FOXP2: variants seen among roughly 807,000 people sequenced by gnomAD.
FOXP2 encodes the protein forkhead box P2.
In FOXP2, 12 loss-of-function variants were observed where a neutral mutation model predicts 115.8. The ratio of observed to expected loss-of-function variants is 0.10; its 90% CI spans 0.07 to 0.17. The LOEUF is 0.17. FOXP2 is among the 10% of genes least tolerant of loss of function. The pLI, the probability that FOXP2 is intolerant of heterozygous loss-of-function variation, is 1.00. For missense variants in FOXP2, 629 were observed against 843.5 expected, an observed-to-expected ratio of 0.75 and a Z score of 3.15; for synonymous variants, 328 against 297.7, an observed-to-expected ratio of 1.10 and a Z score of -1.05.
intron 2 of FOXP2, among the ~76,000 whole-genome samples, chr7:114,394,422 A>ACACAG (rs1260676355): frequency 1.3e-5 from 2 of 149,380 alleles, no homozygotes; most frequent in African/African-American, 5.0e-5. Context: ...CACACACACA[A>ACACAG]GCAAACACCC....
chr7:114,581,662 T>G (rs1184326480), intron 3 of FOXP2, among the ~76,000 whole-genome samples: 1 of 152,182 alleles, frequency 6.6e-6, no homozygotes, highest in Non-Finnish European at 1.5e-5. Flanking sequence ...ACTCTTGGTG[T>G]TGTACATTCT....
intron 16 of FOXP2, among the ~76,000 whole-genome samples, chr7:114,675,019 G>A (rs1327891151): frequency 6.6e-6 from 1 of 151,828 alleles, no homozygotes; most frequent in Non-Finnish European, 1.5e-5. Flanking sequence ...TTTTTTCTGT[G>A]ATATGTTAAA....
At chr7:114,452,084 A>G (rs922334116) in intron 2 of FOXP2, among the ~76,000 whole-genome samples, 2 of 151,974 alleles carry the variant, frequency 1.3e-5, no homozygotes, top group Admixed American at 6.6e-5. Context: ...TATATATTCA[A>G]AAATCATAGG....
chr7:114,506,443 C>A (rs548752741), intron 2 of FOXP2, among the ~76,000 whole-genome samples: 1 of 151,510 alleles, frequency 6.6e-6, no homozygotes, highest in Non-Finnish European at 1.5e-5. Context: ...GAAACTAAGA[C>A]AGAAATCATA....
chr7:114,451,514 T>C (rs1178309448), intron 2 of FOXP2, among the ~76,000 whole-genome samples: 1 of 152,044 alleles, frequency 6.6e-6, no homozygotes. Flanking sequence ...ATGATTATAG[T>C]TTGTTCTTGT....
At chr7:114,299,540 A>G (rs2129178064) in intron 2 of FOXP2, among the ~76,000 whole-genome samples, 1 of 151,814 alleles carries the variant, frequency 6.6e-6, no homozygotes, top group East Asian at 1.9e-4. Context: ...TAACTTCTCT[A>G]AGGTTATATA....
At position 114,625,138 on chromosome 7, in the gene FOXP2, A is replaced by C. The variant is rs150784961; in HGVS notation, c.259-3402A>C. Among the ~76,000 whole-genome samples, 617 of 151,846 alleles carry C rather than the reference A, an allele frequency of 4.1e-3. 9 individuals carry two copies. Among genetic ancestry groups the C allele is most frequent in the African/African-American group, 0.014 (590 of 41,508 alleles). On this transcript the variant is annotated intron_variant, in intron 3 of 16. Coordinates refer to ENST00000350908, the MANE Select transcript of FOXP2 (RefSeq NM_014491.4). ...GGTGCATCACTAAGGAGAATTTTAA[A>C]TCTGTCAGCAAAGTAAATACCAAGA...
At chr7:114,526,140 T>A in intron 2 of FOXP2, among the ~76,000 whole-genome samples, 1 of 107,222 alleles carries the variant, frequency 9.3e-6, no homozygotes, top group African/African-American at 3.5e-5. Flanking sequence ...TTTTAAAAAA[T>A]ATTTATTAAG....
intron 2 of FOXP2, among the ~76,000 whole-genome samples, chr7:114,379,500 T>C (rs915795196): frequency 6.6e-5 from 10 of 151,930 alleles, no homozygotes; most frequent in Non-Finnish European, 1.2e-4. Flanking sequence ...AATTGGGGCA[T>C]AGTAGGGGTT....
At chr7:114,314,356 G>T (rs547772118) in intron 2 of FOXP2, among the ~76,000 whole-genome samples, 17 of 151,662 alleles carry the variant, frequency 1.1e-4, no homozygotes, top group African/African-American at 3.9e-4. Flanking sequence ...TGGTCATTTT[G>T]CTCTGCCCCA....
At chr7:114,666,250 T>G (rs1052949863) in intron 16 of FOXP2, 11 of 151,936 alleles carry the variant, frequency 7.2e-5, no homozygotes, top group Non-Finnish European at 1.2e-4. Context: ...TCAGAAAAAA[T>G]AAAAATTAAA....
intron 2 of FOXP2, among the ~76,000 whole-genome samples, chr7:114,514,938 A>T (rs1036876514): frequency 2.7e-5 from 4 of 150,280 alleles, no homozygotes; most frequent in Non-Finnish European, 4.4e-5. Flanking sequence ...TCATTGTTCA[A>T]TTCCCACCTA....
At chr7:114,456,792 T>C (rs547563028) in intron 2 of FOXP2, among the ~76,000 whole-genome samples, 15 of 152,266 alleles carry the variant, frequency 9.9e-5, no homozygotes, top group African/African-American at 3.6e-4. Flanking sequence ...CAGCAATGAA[T>C]GGATAAAGAA....
intron 1 of FOXP2, among the ~76,000 whole-genome samples, chr7:114,268,076 C>A (rs1647065550): frequency 6.6e-6 from 1 of 152,102 alleles, no homozygotes; most frequent in Non-Finnish European, 1.5e-5. Flanking sequence ...TGTGAACTGG[C>A]TAATTTTACT....
intron 2 of FOXP2, among the ~76,000 whole-genome samples, chr7:114,473,364 A>C (rs531595041): frequency 3.0e-4 from 45 of 152,318 alleles, no homozygotes; most frequent in African/African-American, 1.1e-3. Flanking sequence ...CAGACGCAAG[A>C]GTCTTCTCTG....
intron 2 of FOXP2, among the ~76,000 whole-genome samples, chr7:114,295,286 T>C (rs537893373): frequency 2.4e-4 from 36 of 152,206 alleles, no homozygotes; most frequent in Non-Finnish European, 4.0e-4. Context: ...TTACAAAGTT[T>C]GTGCTTTGGG....
At chr7:114,230,032 T>G (rs1444087868) in intron 1 of FOXP2, among the ~76,000 whole-genome samples, 1 of 151,382 alleles carries the variant, frequency 6.6e-6, no homozygotes, top group African/African-American at 2.4e-5. Context: ...AAATCAGAAA[T>G]GAAAAAGGAG....
At chr7:114,126,598 C>A (rs566500830) in intron 1 of FOXP2, among the ~76,000 whole-genome samples, 1 of 152,164 alleles carries the variant, frequency 6.6e-6, no homozygotes, top group East Asian at 1.9e-4. Flanking sequence ...GTGAAATAAT[C>A]ATAAATTTCA....
intron 2 of FOXP2, among the ~76,000 whole-genome samples, chr7:114,328,250 T>G (rs1436321958): frequency 6.7e-6 from 1 of 148,434 alleles, no homozygotes; most frequent in Admixed American, 6.7e-5. Context: ...TTTTTTTTTT[T>G]TTTTGAGACA....
Sources: gnomAD v4.1 joint callset for allele counts (sites outside exome capture counted in the v4.1 genomes callset) on GRCh38, gnomAD v4.1.1 for gene constraint, MANE v1.5 for transcripts, NCBI Gene and HGNC (gene_info 2026-07-23, HGNC 2026-07-21) for gene names.